HIF3A: variants seen among roughly 807,000 people sequenced by gnomAD.
HIF3A encodes the protein hypoxia-inducible factor 3-alpha.
A neutral mutation model predicts 67.2 loss-of-function variants in HIF3A; 41 were observed. That is an observed-to-expected ratio of 0.61 (90% confidence interval 0.48 to 0.79). The LOEUF is 0.79. Among genes scored for constraint, HIF3A ranks in the 30% least tolerant of loss-of-function variants. The pLI is 0.00. For missense variants in HIF3A, 855 were observed against 898.0 expected (o/e 0.95, Z 0.61); for synonymous variants, 356 against 374.8 (o/e 0.95, Z 0.58).
chr19:46,297,210 C>G lies in HIF3A; in HGVS notation c.26+108C>G, dbSNP rs1246033732. On this transcript the variant is annotated intron_variant, in intron 1 of 14. Coordinates refer to ENST00000377670, the MANE Select transcript of HIF3A (RefSeq NM_152795.4). This position sits in a 1 kb window ranked among gnomAD's most constrained non-coding sequence, Gnocchi z 4.5. ...GGGGTTCGCGGGTGCGAGCCAAGAA[C>G]GCCCCGGGGCGCGCAGTTGGAGGCA... The G allele has an allele frequency of 1.6e-6, 1 of 638,156 alleles. No individual in the cohort carries two copies. Among genetic ancestry groups the G allele is most frequent in the East Asian group, 3.1e-5 (1 of 31,820 alleles). The allele number at this position is 638,156 out of a possible 1,614,324, so 39.5% of individuals were successfully genotyped here.
At chr19:46,326,983 C>G (rs2147263652) in intron 11 of HIF3A, among the ~76,000 whole-genome samples, 1 of 152,188 alleles carries the variant, frequency 6.6e-6, no homozygotes, top group East Asian at 1.9e-4. Context: ...GAAACCCTGT[C>G]TCTACTAAAA....
At position 46,329,323 on chromosome 19, in the gene HIF3A, C is replaced by T. The variant is rs150047396; in HGVS notation, c.1557C>T (p.Val519=). ...PRAYHRPLGA[V]PRPRARSFHG... ...CCTACCACAGACCTCTGGGGGCTGT[C>T]CCCCGGCCCCGTGCTCGGAGCTTCC... The change falls in exon 12 of 15, where the codon GTC becomes GTT. Residue 519 remains valine, a synonymous_variant. Coordinates refer to ENST00000377670, the MANE Select transcript of HIF3A (RefSeq NM_152795.4). The T allele has an allele frequency of 1.2e-6, 2 of 1,613,196 alleles. No individual in the cohort carries two copies. The highest frequency in any genetic ancestry group is 1.1e-5 in the South Asian group (1 of 91,058).
At chr19:46,322,251 T>C (rs967087589) in intron 10 of HIF3A, among the ~76,000 whole-genome samples, 2 of 152,114 alleles carry the variant, frequency 1.3e-5, no homozygotes, top group African/African-American at 4.8e-5. Context: ...AGAAGACTTC[T>C]GTGACCAAAT....
At chr19:46,312,882 ATTTTTTTTTTTTTTT>A (rs531816670) in intron 8 of HIF3A, 37 of 879,348 alleles carry the variant, frequency 4.2e-5, no homozygotes, top group Non-Finnish European at 4.8e-5. Context: ...TAGACTGTTA[ATTTTTTTTTTTTTTT>A]TTTTTTTTTT....
chr19:46,320,212 A>G, intron 8 of HIF3A: 1 of 430,890 alleles, frequency 2.3e-6, no homozygotes, highest in Non-Finnish European at 4.1e-6. Context: ...CCTGGGCGAC[A>G]GAGTGAGACC....
chr19:46,310,734 C>T (rs569420608), intron 6 of HIF3A: 40 of 372,168 alleles, frequency 1.1e-4, no homozygotes, highest in African/African-American at 7.8e-4. Context: ...ATTTTTAAAT[C>T]ATTATTGTCA....
rs147573312 is a variant in HIF3A at position 46,305,814 on chromosome 19, C to A, written c.363+424C>A. 5.2e-3 allele frequency among the ~76,000 whole-genome samples: 795 copies of A among 152,326 alleles called. 6 individuals carry two copies. Among genetic ancestry groups the A allele is most frequent in the African/African-American group, 0.018 (763 of 41,560 alleles). ...AAAGTTGGCCACGTGCAGTGGCTCACACCTGTAATCCCAGCACTTTGAGAG... is the reference window on the plus strand; with the variant it reads ...AAAGTTGGCCACGTGCAGTGGCTCAAACCTGTAATCCCAGCACTTTGAGAG... On this transcript the variant is annotated intron_variant, in intron 3 of 14. Transcript: ENST00000377670.
At chr19:46,317,245 G>T (rs1969989298) in intron 8 of HIF3A, among the ~76,000 whole-genome samples, 3 of 152,064 alleles carry the variant, frequency 2.0e-5, no homozygotes, top group South Asian at 4.2e-4. Context: ...AATAGGGATG[G>T]GGTCTCACTG....
At chr19:46,335,792 T>C (rs1971566993) in intron 14 of HIF3A, among the ~76,000 whole-genome samples, 1 of 151,740 alleles carries the variant, frequency 6.6e-6, no homozygotes, top group Non-Finnish European at 1.5e-5. Flanking sequence ...AATCACAGTG[T>C]TTTGGGAGGC....
At chr19:46,307,299 C>A (rs565670170) in intron 3 of HIF3A, among the ~76,000 whole-genome samples, 8 of 152,272 alleles carry the variant, frequency 5.3e-5, no homozygotes, top group African/African-American at 1.7e-4. Context: ...GTGCAGTCAC[C>A]GTGTCCATAC....
chr19:46,301,787 A>G (rs1968356601), intron 1 of HIF3A, among the ~76,000 whole-genome samples: 1 of 150,418 alleles, frequency 6.6e-6, no homozygotes, highest in South Asian at 2.1e-4. Flanking sequence ...GTGCCATTAT[A>G]CTCCAGCCTG....
intron 11 of HIF3A, among the ~76,000 whole-genome samples, chr19:46,326,129 G>A (rs769910436): frequency 6.6e-6 from 1 of 152,176 alleles, no homozygotes; most frequent in Non-Finnish European, 1.5e-5. Flanking sequence ...AGTCATCTGG[G>A]GTTAGAGGGT....
chr19:46,314,895 A>G (rs1386029268), intron 8 of HIF3A, among the ~76,000 whole-genome samples: 4 of 146,522 alleles, frequency 2.7e-5, no homozygotes, highest in Non-Finnish European at 6.0e-5. Context: ...ATTCTCTTGT[A>G]GTAAACCCCT....
intron 12 of HIF3A, among the ~76,000 whole-genome samples, 162 bp downstream of exon 12, chr19:46,329,640 G>GTGCCTT (rs1971043970): frequency 6.6e-6 from 1 of 152,108 alleles, no homozygotes; most frequent in African/African-American, 2.4e-5. Flanking sequence ...GCCAATCTCT[G>GTGCCTT]TGCCTTTGCC....
intron 10 of HIF3A, among the ~76,000 whole-genome samples, chr19:46,324,612 G>C (rs1219092194): frequency 6.6e-6 from 1 of 151,670 alleles, no homozygotes; most frequent in Non-Finnish European, 1.5e-5. Flanking sequence ...TCAGTACTTT[G>C]GGAGGCTGAG....
intron 8 of HIF3A, among the ~76,000 whole-genome samples, chr19:46,317,452 C>T (rs574015558): frequency 6.6e-6 from 1 of 152,274 alleles, no homozygotes; most frequent in East Asian, 1.9e-4. Flanking sequence ...TGGTGTGGTT[C>T]ACCAGGCCCT....
chr19:46,322,610 T>C (rs1457200366), intron 10 of HIF3A, among the ~76,000 whole-genome samples: 2 of 151,846 alleles, frequency 1.3e-5, no homozygotes, highest in Admixed American at 1.3e-4. Context: ...TGGTTAATTT[T>C]TTGTATTTTT....
chr19:46,332,252 G>A (rs1310860520), intron 13 of HIF3A, among the ~76,000 whole-genome samples: 1 of 152,068 alleles, frequency 6.6e-6, no homozygotes, highest in African/African-American at 2.4e-5. Context: ...CAAACCAAAG[G>A]GCCGGGCGCT....
Position 46,308,242 on chromosome 19 carries a change from A to G in HIF3A, c.385A>G (p.Ile129Val), listed in dbSNP as rs781460271. 6.2e-7 allele frequency: 1 copy of G among 1,613,882 alleles called. No individual in the cohort carries two copies. Among genetic ancestry groups the G allele is most frequent in the Non-Finnish European group, 8.5e-7 (1 of 1,179,872 alleles). Residue 129 changes from isoleucine to valine, a missense_variant, in exon 4 of 15, where the codon ATC (isoleucine) becomes GTC (valine). By Grantham distance (29) the Ile-to-Val change is conservative. This residue lies in a region of HIF3A where 638 missense variants were observed against 660.5 expected (regional missense o/e 0.97). Coordinates refer to ENST00000377670, the MANE Select transcript of HIF3A (RefSeq NM_152795.4). ...GCAGCTGGAGCTCATTGGACACAGC[A>G]TCTTTGATTTCATCCACCCCTGTGA... ...LSQLELIGHS[I>V]FDFIHPCDQE...
Sources: gnomAD v4.1 joint callset for allele counts (sites outside exome capture counted in the v4.1 genomes callset) on GRCh38, gnomAD v4.1.1 for gene constraint, gnomAD v4.1.1 regional missense constraint, Gnocchi (gnomAD v3.1) non-coding constraint, MANE v1.5 for transcripts, NCBI Gene and HGNC (gene_info 2026-07-23, HGNC 2026-07-21) for gene names.